Variants in C1GALT1 observed in about 807,000 individuals in gnomAD.
C1GALT1 encodes the protein glycoprotein-N-acetylgalactosamine 3-beta-galactosyltransferase 1.
C1GALT1 carries 11 observed loss-of-function variants against 31.0 expected under a neutral mutation model. The observed-to-expected ratio is 0.36, with a 90% CI of 0.22 to 0.59. The LOEUF (loss-of-function observed/expected upper bound fraction) is 0.59, where lower values mean the gene tolerates loss of function less well. Ranked by LOEUF, C1GALT1 falls within the 20% of genes least tolerant of loss-of-function variation. The probability of loss-of-function intolerance (pLI) is 0.79; values close to 1 mark genes in which losing one functional copy is unlikely to be tolerated. For missense variants in C1GALT1, 424 were observed against 425.2 expected (o/e 1.00, Z 0.03); for synonymous variants, 175 against 143.6 (o/e 1.22, Z -1.56).
chr7:7,178,212 G>A (rs914013928), upstream of C1GALT1: 10 of 227,046 alleles, frequency 4.4e-5, no homozygotes, highest in South Asian at 1.6e-4. Context: ...GAATTGAACC[G>A]CCCCCTTGGT....
At chr7:7,199,277 G>C (rs1260650684) in intron 1 of C1GALT1, among the ~76,000 whole-genome samples, 1 of 152,108 alleles carries the variant, frequency 6.6e-6, no homozygotes, top group Non-Finnish European at 1.5e-5. Context: ...TTTTATTTCT[G>C]CCTTCATTTT....
chr7:7,215,709 G>A (rs965764199), intron 1 of C1GALT1, among the ~76,000 whole-genome samples: 3 of 145,830 alleles, frequency 2.1e-5, no homozygotes, highest in African/African-American at 7.8e-5. Flanking sequence ...TTGGCGTACT[G>A]TAGGAGACAT....
In C1GALT1 at chr7:7,238,281, C is replaced by G. The variant is rs751217992; in HGVS notation, c.247C>G (p.Leu83Val). The G allele has an allele frequency of 5.0e-6, 8 of 1,605,786 alleles. No homozygotes were observed. The highest frequency in any genetic ancestry group is 6.8e-6 in the Non-Finnish European group (8 of 1,177,758). The part of the protein sequence containing the change: ...KDENTDIAEN[L>V]YQKVRILCWV... Reference sequence around the variant, plus strand: ...TGAGAACACAGACATTGCTGAAAACCTCTATCAGAAAGTTAGAATTCTTTG... The same window carrying G: ...TGAGAACACAGACATTGCTGAAAACGTCTATCAGAAAGTTAGAATTCTTTG... Residue 83 changes from leucine (L) to valine (V), a missense_variant, in exon 3 of 4, where the codon CTC becomes GTC. By Grantham distance (32) the Leu-to-Val change is conservative. Coordinates refer to ENST00000436587, the MANE Select transcript of C1GALT1 (RefSeq NM_020156.5). This position sits in a 1 kb window ranked among gnomAD's most constrained non-coding sequence, Gnocchi z 5.2.
At chr7:7,237,448 T>G (rs1360681853) in intron 2 of C1GALT1, among the ~76,000 whole-genome samples, 1 of 152,250 alleles carries the variant, frequency 6.6e-6, no homozygotes, top group Non-Finnish European at 1.5e-5. Flanking sequence ...GTGGACATTT[T>G]GATTGGTTGG....
At chr7:7,184,397 T>G in intron 1 of C1GALT1, among the ~76,000 whole-genome samples, 1 of 152,240 alleles carries the variant, frequency 6.6e-6, no homozygotes, top group Non-Finnish European at 1.5e-5. Context: ...AGAAATATTT[T>G]GTGTTTCCTA....
intron 2 of C1GALT1, among the ~76,000 whole-genome samples, chr7:7,164,009 G>T (rs1780366433): frequency 1.3e-5 from 2 of 152,124 alleles, no homozygotes; most frequent in African/African-American, 2.4e-5. Context: ...GCATCGCCAA[G>T]TCAATCCTAA....
chr7:7,209,114 G>A (rs748381841), intron 1 of C1GALT1, among the ~76,000 whole-genome samples: 11 of 152,014 alleles, frequency 7.2e-5, no homozygotes, highest in Non-Finnish European at 1.2e-4. Flanking sequence ...CCATTTACTC[G>A]TTTTATTTTA....
chr7:7,217,275 G>A (rs142405227), intron 1 of C1GALT1, among the ~76,000 whole-genome samples: 132 of 152,274 alleles, frequency 8.7e-4, no homozygotes, highest in African/African-American at 3.0e-3. Flanking sequence ...AAGAAAGAAG[G>A]TAGAAGGAAG....
At chr7:7,205,574 G>A (rs905162016) in intron 1 of C1GALT1, among the ~76,000 whole-genome samples, 3 of 151,954 alleles carry the variant, frequency 2.0e-5, no homozygotes, top group Admixed American at 6.6e-5. Context: ...CATATAGATG[G>A]ACCTATACTG....
At chr7:7,172,174 T>A (rs552950954) in intron 2 of C1GALT1, among the ~76,000 whole-genome samples, 3 of 152,310 alleles carry the variant, frequency 2.0e-5, no homozygotes, top group Admixed American at 2.0e-4. Context: ...TCTGAATATA[T>A]CCTAACTTTT....
At chr7:7,220,880 T>G (rs1782481551) in intron 1 of C1GALT1, among the ~76,000 whole-genome samples, 1 of 152,224 alleles carries the variant, frequency 6.6e-6, no homozygotes, top group East Asian at 1.9e-4. Context: ...TGAAAATTAT[T>G]TTTCCTCAGA....
chr7:7,163,180 A>G (rs1242446408), intron 2 of C1GALT1, among the ~76,000 whole-genome samples: 2 of 152,198 alleles, frequency 1.3e-5, no homozygotes, highest in Non-Finnish European at 2.9e-5. Context: ...TTAGACATGA[A>G]GTCCTTGCCC....
chr7:7,158,450 G>C (rs1228745617), intron 2 of C1GALT1, among the ~76,000 whole-genome samples: 1 of 152,046 alleles, frequency 6.6e-6, no homozygotes, highest in Non-Finnish European at 1.5e-5. Flanking sequence ...CACGTGGCCC[G>C]AGTCAGCTGT....
intron 1 of C1GALT1, among the ~76,000 whole-genome samples, chr7:7,202,659 G>C (rs574966692): frequency 1.3e-5 from 2 of 152,102 alleles, no homozygotes; most frequent in African/African-American, 4.8e-5. Context: ...GTAAGTATGA[G>C]TTTTCTAGCT....
At chr7:7,231,531 A>AT (rs1783073417) in intron 1 of C1GALT1, among the ~76,000 whole-genome samples, 1 of 151,398 alleles carries the variant, frequency 6.6e-6, no homozygotes, top group South Asian at 2.1e-4. Flanking sequence ...CATTCTGCGT[A>AT]TTTTCTTCTG....
chr7:7,191,476 C>G (rs1190493269), intron 1 of C1GALT1, among the ~76,000 whole-genome samples: 1 of 152,104 alleles, frequency 6.6e-6, no homozygotes, highest in Admixed American at 6.6e-5. Flanking sequence ...AAACCCTGCT[C>G]TCATTGGGTA....
At chr7:7,158,248 G>C (rs977294675) in intron 2 of C1GALT1, among the ~76,000 whole-genome samples, 3 of 152,110 alleles carry the variant, frequency 2.0e-5, no homozygotes, top group South Asian at 4.1e-4. Flanking sequence ...TAGGAAGAGT[G>C]GTCTCTAGTC....
chr7:7,243,407 C>G (rs1264624943), intron 3 of C1GALT1, 117 bp from the exon 4 acceptor site: 9 of 825,382 alleles, frequency 1.1e-5, no homozygotes, highest in Non-Finnish European at 1.7e-5. Flanking sequence ...TCTGCTTTAC[C>G]TTGCCATCTT....
intron 1 of C1GALT1, among the ~76,000 whole-genome samples, chr7:7,232,522 T>G (rs899609080): frequency 6.6e-5 from 10 of 150,756 alleles, no homozygotes; most frequent in Non-Finnish European, 1.3e-4. Context: ...AGACAGAGTC[T>G]TGCTCTGTCA....
Sources: gnomAD v4.1 joint callset for allele counts (sites outside exome capture counted in the v4.1 genomes callset) on GRCh38, gnomAD v4.1.1 for gene constraint, Gnocchi (gnomAD v3.1) non-coding constraint, MANE v1.5 for transcripts, NCBI Gene and HGNC (gene_info 2026-07-23, HGNC 2026-07-21) for gene names.